Variants in PCSK9 observed in about 807,000 individuals in gnomAD.
PCSK9 encodes convertase subtilisin/kexin type 9 preproprotein.
A neutral mutation model predicts 62.1 loss-of-function variants in PCSK9; 57 were observed. That is an observed-to-expected ratio of 0.92 (90% CI 0.74 to 1.14). PCSK9 has a LOEUF of 1.14. PCSK9 is among the 50% of genes most tolerant of loss of function. The pLI is 0.00. For synonymous variants in PCSK9, 387 were observed against 409.4 expected (o/e 0.95, Z 0.66); for missense variants, 870 against 959.8 (o/e 0.91, Z 1.24).
In PCSK9 at chr1:55,050,615, A is replaced by G. The variant is rs1377120595; in HGVS notation, c.524-1663A>G. ...CAGTGGAGCTTCCTGCCGAGACTGG[A>G]GGCCTTAGGGCAGGGTAGACAGTGT... On this transcript the variant is annotated intron_variant, in intron 3 of 11. Transcript: ENST00000302118. 1.1e-4 allele frequency among the ~76,000 whole-genome samples: 17 copies of G among 152,218 alleles called. 1 individual carries two copies.
rs1553137360 is a variant in PCSK9, at chr1:55,056,233, A to AGGGCGGGGGTAGG, written c.996+50_996+51insGGGTAGGGGGCGG. ...GCCCCAAGGCGCGGGTAGGGGGCGG[A>AGGGCGGGGGTAGG]GGGCGGAGGGCGGAGGGAGGGCGGG... On this transcript the variant is annotated intron_variant, in intron 6 of 11. Coordinates refer to ENST00000302118, the MANE Select transcript of PCSK9 (RefSeq NM_174936.4). 5.4e-3 allele frequency: 243 copies of AGGGCGGGGGTAGG among 45,352 alleles called. 4 individuals carry two copies. In the Admixed American group the frequency reaches 0.059, roughly 11 times the overall value. The allele number at this position is 45,352 out of a possible 1,614,324, so 2.8% of individuals were successfully genotyped here.
chr1:55,042,971 C>T lies in PCSK9; in HGVS notation c.208-872C>T, dbSNP rs2100263526. Among the ~76,000 whole-genome samples the T allele has an allele frequency of 2.0e-5, 3 of 152,330 alleles. No individual in the cohort carries two copies. The East Asian group carries it at 5.8e-4, about 29-fold the overall frequency. ...TAAAAAGAGCTTGGCACCTCCCTCT[C>T]TTCTCTCTTGCTTCTTCTCTTGCCA... On this transcript the variant is annotated intron_variant, in intron 1 of 11. Coordinates refer to ENST00000302118, the MANE Select transcript of PCSK9 (RefSeq NM_174936.4).
At chr1:55,050,436 C>T (rs1018398034) in intron 3 of PCSK9, among the ~76,000 whole-genome samples, 2 of 152,224 alleles carry the variant, frequency 1.3e-5, no homozygotes, top group Admixed American at 6.5e-5. Context: ...AGTGTAGCAC[C>T]GGGCACATGG....
chr1:55,045,496 A>G (rs1644627021), intron 2 of PCSK9, among the ~76,000 whole-genome samples: 1 of 152,272 alleles, frequency 6.6e-6, no homozygotes, highest in East Asian at 1.9e-4. Flanking sequence ...GCCTCTGGGG[A>G]TACGAAGGCA....
intron 3 of PCSK9, among the ~76,000 whole-genome samples, chr1:55,048,362 C>T (rs890954727): frequency 6.6e-6 from 1 of 152,360 alleles, no homozygotes; most frequent in East Asian, 1.9e-4. Context: ...CAAATAAGGT[C>T]ACAGCCACAG....
chr1:55,061,708 C>A, intron 11 of PCSK9, 152 bp downstream of exon 11: 1 of 1,071,284 alleles, frequency 9.3e-7, no homozygotes, highest in Non-Finnish European at 1.4e-6. Flanking sequence ...ATTGTGTGGA[C>A]AGCATGTATA....
At chr1:55,062,198 T>G (rs1443711695) in intron 11 of PCSK9, among the ~76,000 whole-genome samples, 1 of 152,242 alleles carries the variant, frequency 6.6e-6, no homozygotes, top group Non-Finnish European at 1.5e-5. Context: ...CCGGGCCTTC[T>G]AGAAACCTGA....
rs376653409 is a variant in PCSK9, at chr1:55,044,038, A to G, written c.399+4A>G. On this transcript the variant is annotated splice_donor_region_variant and intron_variant, in intron 2 of 11. Coordinates refer to ENST00000302118, the MANE Select transcript of PCSK9 (RefSeq NM_174936.4). The stretch of plus-strand genomic sequence containing the variant: ...GAGTGGCGACCTGCTGGAGCTGGTG[A>G]GCCACCCTTTTTGGGAATGGCACTT... The G allele has an allele frequency of 8.1e-5, 130 of 1,613,960 alleles. No homozygotes were observed. The Admixed American group carries it at 1.7e-3, about 21-fold the overall frequency.
chr1:55,051,787 G>C lies in PCSK9; in HGVS notation c.524-491G>C, dbSNP rs948708236. 9 of 250,510 alleles carry C rather than the reference G, an allele frequency of 3.6e-5. No homozygotes were observed. In the East Asian group the frequency reaches 9.8e-4, roughly 27 times the overall value. The allele number at this position is 250,510 out of a possible 1,614,324, so 15.5% of individuals were successfully genotyped here. A position where few individuals can be genotyped will look rare whatever the true frequency, so the allele number is the denominator to read the frequency against. The stretch of plus-strand genomic sequence containing the variant: ...CTTGGACCTGGAGCCAGGAGGCCCA[G>C]ACATACATCCTGTCCGAGCTGCAGC... On this transcript the variant is annotated intron_variant, in intron 3 of 11. Coordinates refer to ENST00000302118, the MANE Select transcript of PCSK9 (RefSeq NM_174936.4).
intron 11 of PCSK9, 66 bp downstream of exon 11, chr1:55,061,622 T>C: frequency 6.5e-7 from 1 of 1,538,102 alleles, no homozygotes; most frequent in Non-Finnish European, 8.8e-7. Context: ...CTTTTCTGTG[T>C]CAGTTTGTGC....
At chr1:55,047,059 T>C (rs1361617428) in intron 3 of PCSK9, among the ~76,000 whole-genome samples, 2 of 152,296 alleles carry the variant, frequency 1.3e-5, no homozygotes, top group East Asian at 3.9e-4. Context: ...GGGATGCCTC[T>C]GCCTACCTTC....
At chr1:55,046,149 G>A (rs1055389628) in intron 2 of PCSK9, among the ~76,000 whole-genome samples, 2 of 152,202 alleles carry the variant, frequency 1.3e-5, no homozygotes, top group African/African-American at 4.8e-5. Context: ...GGGACAAACC[G>A]AATTGCCAGT....
chr1:55,050,394 G>A (rs1644664459), intron 3 of PCSK9, among the ~76,000 whole-genome samples: 1 of 152,186 alleles, frequency 6.6e-6, no homozygotes, highest in Non-Finnish European at 1.5e-5. Context: ...TCTTCAGGTC[G>A]GAGCTCACAG....
chr1:55,049,945 A>G (rs12074122), intron 3 of PCSK9, among the ~76,000 whole-genome samples: 7,576 of 152,262 alleles, frequency 0.05, 654 homozygotes, highest in African/African-American at 0.17. Context: ...GGGACCAGAA[A>G]GGACTCTCAC....
Position 55,040,011 on chromosome 1 carries a change from C to G in PCSK9, c.174C>G (p.His58Gln). 1 of 1,576,428 alleles carries G rather than the reference C, an allele frequency of 6.3e-7. No individual in the cohort carries two copies. Among genetic ancestry groups the G allele is most frequent in the Non-Finnish European group, 8.6e-7 (1 of 1,161,710 alleles). Residue 58 changes from histidine to glutamine, a missense_variant, in exon 1 of 12, where the codon CAC becomes CAG. Transcript: ENST00000302118. This position sits in a 1 kb window ranked among gnomAD's most constrained non-coding sequence, Gnocchi z 4.1. ...EEDGLAEAPE[H>Q]GTTATFHRCA... Reference sequence around the variant, plus strand: ...ACGGCCTGGCCGAAGCACCCGAGCACGGAACCACAGCCACCTTCCACCGCT... The same window carrying G: ...ACGGCCTGGCCGAAGCACCCGAGCAGGGAACCACAGCCACCTTCCACCGCT...
intron 3 of PCSK9, among the ~76,000 whole-genome samples, chr1:55,048,311 CAT>C (rs1203375788): frequency 6.6e-6 from 1 of 152,198 alleles, no homozygotes; most frequent in Admixed American, 6.5e-5. Flanking sequence ...AGGATGATCT[CAT>C]GTGGGGAACC....
Position 55,059,469 on chromosome 1 carries a change from C to T in PCSK9, c.1504-17C>T. On this transcript the variant is annotated splice_polypyrimidine_tract_variant and intron_variant, in intron 9 of 11. Transcript: ENST00000302118. ...CCCATTCTAAAGCAGATTCCCATTTCCGTCTTTGACTCTAAGGCCCAAGGG... is the reference window on the plus strand; with the variant it reads ...CCCATTCTAAAGCAGATTCCCATTTTCGTCTTTGACTCTAAGGCCCAAGGG... 6.4e-7 allele frequency: 1 copy of T among 1,556,476 alleles called. No homozygotes were observed.
In PCSK9 at chr1:55,059,619, T is replaced by G; in HGVS notation, c.1637T>G (p.Met546Arg). Residue 546 changes from methionine to arginine, a missense_variant, in exon 10 of 12, where the codon ATG becomes AGG. Physicochemically the swap from Met to Arg is moderately conservative, Grantham distance 91. Coordinates refer to ENST00000302118, the MANE Select transcript of PCSK9 (RefSeq NM_174936.4). The stretch of plus-strand genomic sequence containing the variant: ...ACAGCTCCACCAGCTGAGGCCAGCA[T>G]GGGGACCCGTGTCCACTGCCACCAA... ...VHTAPPAEAS[M>R]GTRVHCHQQG... 1 of 1,552,060 alleles carries G rather than the reference T, an allele frequency of 6.4e-7. No individual in the cohort carries two copies.
In PCSK9 at chr1:55,050,218, G is replaced by A. The variant is rs143679701; in HGVS notation, c.524-2060G>A. On this transcript the variant is annotated intron_variant, in intron 3 of 11. Transcript: ENST00000302118. ...CACCTGTATCCCCTGCAGCCAGCCC[G>A]GGGCCTCTGCTAGGAGCAGACTGAG... 1.6e-3 allele frequency among the ~76,000 whole-genome samples: 238 copies of A among 152,342 alleles called. 2 individuals are homozygous for A. Among genetic ancestry groups the A allele is most frequent in the African/African-American group, 5.5e-3 (230 of 41,594 alleles).
Sources: gnomAD v4.1 joint callset for allele counts (sites outside exome capture counted in the v4.1 genomes callset) on GRCh38, gnomAD v4.1.1 for gene constraint, Gnocchi (gnomAD v3.1) non-coding constraint, MANE v1.5 for transcripts, NCBI Gene and HGNC (gene_info 2026-07-23, HGNC 2026-07-21) for gene names.